Variants in LYPD1 observed in about 807,000 individuals in gnomAD.
The protein encoded by LYPD1 is LY6/PLAUR domain containing 1.
In LYPD1, 14 loss-of-function variants were observed where a neutral mutation model predicts 14.2. The ratio of observed to expected loss-of-function variants is 0.99; its 90% confidence interval spans 0.65 to 1.54. LYPD1 has a LOEUF of 1.54. Ranked by LOEUF, LYPD1 falls within the 40% of genes most tolerant of loss-of-function variation. The pLI is 0.00. For synonymous variants in LYPD1, 85 were observed against 70.6 expected (o/e 1.20, Z -1.02); for missense variants, 165 against 175.7 (o/e 0.94, Z 0.34).
chr2:132,668,409 G>C lies in LYPD1; in HGVS notation c.181C>G (p.Gln61Glu). 6.2e-7 allele frequency: 1 copy of C among 1,604,406 alleles called. No individual in the cohort carries two copies. Among genetic ancestry groups the C allele is most frequent in the Non-Finnish European group, 8.5e-7 (1 of 1,175,406 alleles). ...QDMCQKEVME[Q>E]SAGIMYRKSC... ...GCTGCCAGGCTCTTACCGGCACTTT[G>C]CTCCATCACTTCTTTCTGACACATG... The change falls in exon 2 of 3, where the codon CAA (glutamine) becomes GAA (glutamate). Residue 61 changes from glutamine (Q) to glutamate (E), a missense_variant. Gln to Glu is a conservative substitution (Grantham distance 29). Coordinates refer to ENST00000397463, the MANE Select transcript of LYPD1 (RefSeq NM_144586.7).
intron 2 of LYPD1, among the ~76,000 whole-genome samples, chr2:132,657,522 G>A (rs1356130712): frequency 1.3e-5 from 2 of 152,198 alleles, no homozygotes; most frequent in African/African-American, 4.8e-5. Flanking sequence ...CAAATGTAGG[G>A]AAGAGAGAGT....
rs77119917 is a variant in LYPD1, at chr2:132,668,813, A to G, written c.53-276T>C. Reference sequence around the variant, plus strand: ...CATTACCACCCCAGGCCTTTTCCCAAGAAGTTGAAGGGAGGGTGGGGACGG... The same window carrying G: ...CATTACCACCCCAGGCCTTTTCCCAGGAAGTTGAAGGGAGGGTGGGGACGG... On this transcript the variant is annotated intron_variant, in intron 1 of 2. Transcript: ENST00000397463. 9.8e-3 allele frequency among the ~76,000 whole-genome samples: 1,495 copies of G among 152,258 alleles called. 22 individuals carry two copies. The highest frequency in any genetic ancestry group is 0.032 in the African/African-American group (1,346 of 41,550).
In LYPD1 at chr2:132,645,254, C is replaced by A. The variant is rs377006153; in HGVS notation, c.*791G>T. On this transcript the variant is annotated 3_prime_UTR_variant, in exon 3 of 3. Coordinates refer to ENST00000397463, the MANE Select transcript of LYPD1 (RefSeq NM_144586.7). ...TCGGAGACGTTTTTCTACCTCAGCT[C>A]GGTCATCAACCCGCTCCTGTACACG... 8 of 1,614,064 alleles carry A rather than the reference C, an allele frequency of 5.0e-6. No homozygotes were observed. Among genetic ancestry groups the A allele is most frequent in the Non-Finnish European group, 6.8e-6 (8 of 1,180,048 alleles).
chr2:132,655,556 C>T (rs1682542560), intron 2 of LYPD1, among the ~76,000 whole-genome samples: 1 of 132,152 alleles, frequency 7.6e-6, no homozygotes, highest in African/African-American at 3.0e-5. Flanking sequence ...GCTCTGTCGC[C>T]CAGGCTGGAG....
chr2:132,670,827 T>A (rs181110646), upstream of LYPD1, among the ~76,000 whole-genome samples: 416 of 152,218 alleles, frequency 2.7e-3, 10 homozygotes, highest in Admixed American at 0.024. This position sits in a 1 kb window ranked among gnomAD's most constrained non-coding sequence, Gnocchi z 4.5. Context: ...GTGGGGACAC[T>A]GCCTTAACTG....
At chr2:132,668,575 C>T (rs1361868997) in intron 1 of LYPD1, 38 bp from the exon 2 acceptor site, 3 of 1,602,170 alleles carry the variant, frequency 1.9e-6, no homozygotes, top group African/African-American at 1.3e-5. Flanking sequence ...ATCCGGCCCC[C>T]ACAGAGCCCA....
chr2:132,645,670 C>G lies in LYPD1; in HGVS notation c.*375G>C. 1 of 1,546,522 alleles carries G rather than the reference C, an allele frequency of 6.5e-7. No individual in the cohort carries two copies. The highest frequency in any genetic ancestry group is 8.7e-7 in the Non-Finnish European group (1 of 1,148,304). On this transcript the variant is annotated 3_prime_UTR_variant, in exon 3 of 3. Coordinates refer to ENST00000397463, the MANE Select transcript of LYPD1 (RefSeq NM_144586.7). ...CAGCCCTAAGAAAACGTCACTCTCA[C>G]TCTGCAGTCTCAAACTATGCCCCCA...
Position 132,669,644 on chromosome 2 carries a change from G to A in LYPD1, c.52+237C>T, listed in dbSNP as rs1043922879. On this transcript the variant is annotated intron_variant, in intron 1 of 2. Coordinates refer to ENST00000397463, the MANE Select transcript of LYPD1 (RefSeq NM_144586.7). This position sits in a 1 kb window ranked among gnomAD's most constrained non-coding sequence, Gnocchi z 4.3. ...CCCAGCTTCTCCCGACGGTGCAGCC[G>A]GACAAGCTGCAGCCCGGAGTCCCGC... Among the ~76,000 whole-genome samples the A allele has an allele frequency of 2.0e-5, 3 of 152,054 alleles. No individual in the cohort carries two copies. Among genetic ancestry groups the A allele is most frequent in the Non-Finnish European group, 4.4e-5 (3 of 67,998 alleles).
In LYPD1 at chr2:132,645,501, C is replaced by T; in HGVS notation, c.*544G>A. On this transcript the variant is annotated 3_prime_UTR_variant, in exon 3 of 3. Coordinates refer to ENST00000397463, the MANE Select transcript of LYPD1 (RefSeq NM_144586.7). The stretch of plus-strand genomic sequence containing the variant: ...GCACTTTTCAGAGCGAGGCCGAGCC[C>T]CAGTCTAAGTCCCAGTCATTGAGTC... The T allele has an allele frequency of 1.2e-6, 2 of 1,613,672 alleles. No individual in the cohort carries two copies. The highest frequency in any genetic ancestry group is 1.7e-6 in the Non-Finnish European group (2 of 1,180,014).
intron 2 of LYPD1, among the ~76,000 whole-genome samples, chr2:132,663,628 T>C (rs1683094442): frequency 1.3e-5 from 2 of 152,208 alleles, no homozygotes; most frequent in Admixed American, 1.3e-4. Context: ...AAATAGAATG[T>C]GGAACTTTGT....
chr2:132,659,356 A>AAG (rs765568019), intron 2 of LYPD1, among the ~76,000 whole-genome samples: 1 of 152,120 alleles, frequency 6.6e-6, no homozygotes, highest in East Asian at 1.9e-4. Context: ...TAGAGAGAGA[A>AAG]AGAGAGAGAG....
At position 132,645,060 on chromosome 2, in the gene LYPD1, T is replaced by C; in HGVS notation, c.*985A>G. On this transcript the variant is annotated 3_prime_UTR_variant, in exon 3 of 3. Coordinates refer to ENST00000397463, the MANE Select transcript of LYPD1 (RefSeq NM_144586.7). ...ATTTACTGTGTTCTCATGCTGTGTT[T>C]TTCTTTTCTCTGTCTCTCCCTCCTG... 6.3e-7 allele frequency: 1 copy of C among 1,575,774 alleles called. No individual in the cohort carries two copies. The highest frequency in any genetic ancestry group is 1.8e-5 in the Admixed American group (1 of 56,222).
At chr2:132,647,655 AATT>A (rs1335655442) in intron 2 of LYPD1, among the ~76,000 whole-genome samples, 5 of 152,056 alleles carry the variant, frequency 3.3e-5, no homozygotes, top group African/African-American at 1.2e-4. Flanking sequence ...TATATCAATG[AATT>A]ATTTTTTTTG....
intron 2 of LYPD1, among the ~76,000 whole-genome samples, chr2:132,660,765 A>G (rs898711568): frequency 6.6e-6 from 1 of 152,178 alleles, no homozygotes; most frequent in African/African-American, 2.4e-5. Flanking sequence ...CAGAGAAGAA[A>G]AGATATGTCT....
chr2:132,645,678 T>C lies in LYPD1; in HGVS notation c.*367A>G. 2 of 1,530,358 alleles carry C rather than the reference T, an allele frequency of 1.3e-6. No homozygotes were observed. Among genetic ancestry groups the C allele is most frequent in the African/African-American group, 1.4e-5 (1 of 72,240 alleles). 94.8% of individuals were successfully genotyped at this position (1,530,358 alleles called of 1,614,324 possible). On this transcript the variant is annotated 3_prime_UTR_variant, in exon 3 of 3. Coordinates refer to ENST00000397463, the MANE Select transcript of LYPD1 (RefSeq NM_144586.7). Reference sequence around the variant, plus strand: ...AGAAAACGTCACTCTCACTCTGCAGTCTCAAACTATGCCCCCATCAGGGAT... The same window carrying C: ...AGAAAACGTCACTCTCACTCTGCAGCCTCAAACTATGCCCCCATCAGGGAT...
At chr2:132,649,851 T>C (rs1374745397) in intron 2 of LYPD1, among the ~76,000 whole-genome samples, 1 of 152,030 alleles carries the variant, frequency 6.6e-6, no homozygotes, top group Non-Finnish European at 1.5e-5. Flanking sequence ...CCCATAAAAG[T>C]ACTAAACGAC....
chr2:132,655,174 G>C (rs376156578), intron 2 of LYPD1, among the ~76,000 whole-genome samples: 1 of 152,094 alleles, frequency 6.6e-6, no homozygotes, highest in Non-Finnish European at 1.5e-5. Context: ...TAGCAAACAG[G>C]TATTCTGCCC....
In LYPD1 at chr2:132,669,525, C is replaced by G. The variant is rs372836683; in HGVS notation, c.52+356G>C. 6.6e-6 allele frequency among the ~76,000 whole-genome samples: 1 copy of G among 152,154 alleles called. No individual in the cohort carries two copies. The highest frequency in any genetic ancestry group is 2.1e-4 in the South Asian group (1 of 4,808). ...CGGCGGCGCCACTCCCACGGGGTGC[C>G]GGAGGCGCCAGACAACTTGGCAGGG... On this transcript the variant is annotated intron_variant, in intron 1 of 2. Transcript: ENST00000397463. The surrounding 1 kb of genome is among the most constrained non-coding windows in gnomAD (Gnocchi z 4.3).
chr2:132,648,446 C>G (rs1466094169), intron 2 of LYPD1, among the ~76,000 whole-genome samples: 3 of 151,960 alleles, frequency 2.0e-5, no homozygotes, highest in Non-Finnish European at 4.4e-5. Flanking sequence ...TACATATATG[C>G]CCACAGAGAA....
Sources: allele counts gnomAD v4.1 joint callset (sites outside exome capture counted in the v4.1 genomes callset), GRCh38; gene constraint gnomAD v4.1.1; non-coding constraint Gnocchi (gnomAD v3.1); transcripts MANE v1.5; gene names NCBI Gene and HGNC (gene_info 2026-07-23, HGNC 2026-07-21).